The following TMEM117 variants were observed in gnomAD, a reference collection of about 807,000 sequenced individuals.
The protein encoded by TMEM117 is transmembrane protein 117.
Under a neutral mutation model 52.4 loss-of-function variants are expected in TMEM117, and 27 were observed. The ratio of observed to expected loss-of-function variants is 0.51; its 90% CI spans 0.38 to 0.71. TMEM117 has a LOEUF of 0.71. TMEM117 is among the 30% of genes least tolerant of loss of function. TMEM117 has a pLI of 0.00. For missense variants in TMEM117, 556 were observed against 630.5 expected (o/e 0.88, Z 1.26); for synonymous variants, 215 against 206.3 (o/e 1.04, Z -0.36).
intron 6 of TMEM117, among the ~76,000 whole-genome samples, chr12:44,301,351 T>A (rs1950837097): frequency 6.6e-6 from 1 of 152,040 alleles, no homozygotes; most frequent in African/African-American, 2.4e-5. Flanking sequence ...AGGATTTACA[T>A]AGGCAGAGTC....
intron 7 of TMEM117, among the ~76,000 whole-genome samples, chr12:44,385,000 T>A (rs1178194333): frequency 6.6e-6 from 1 of 152,100 alleles, no homozygotes; most frequent in Non-Finnish European, 1.5e-5. Context: ...GTAGACAGAT[T>A]TGGGGTAGAA....
At position 44,145,250 on chromosome 12, in the gene TMEM117, A is replaced by T. The variant is rs556284791; in HGVS notation, c.510+1626A>T. Among the ~76,000 whole-genome samples the T allele has an allele frequency of 5.9e-5, 9 of 152,300 alleles. No homozygotes were observed. The South Asian group carries it at 1.9e-3, about 32-fold the overall frequency. On this transcript the variant is annotated intron_variant, in intron 4 of 7. Transcript: ENST00000266534. ...ACTTTGAAAAACGTAACTTCCTTGA[A>T]ATTTGAGGGGATGTTTAAAAAAATT...
intron 4 of TMEM117, among the ~76,000 whole-genome samples, chr12:44,180,572 C>G (rs1362367134): frequency 2.9e-5 from 4 of 139,588 alleles, no homozygotes; most frequent in African/African-American, 1.1e-4. Context: ...TCTCATTGTT[C>G]AATTCCCACC....
intron 5 of TMEM117, among the ~76,000 whole-genome samples, chr12:44,292,357 G>C (rs1950715675): frequency 6.6e-6 from 1 of 151,574 alleles, no homozygotes; most frequent in Non-Finnish European, 1.5e-5. Context: ...TTCTTGGTTG[G>C]TATGGCTAAA....
intron 3 of TMEM117, among the ~76,000 whole-genome samples, chr12:44,018,792 T>C (rs564966958): frequency 6.6e-6 from 1 of 151,908 alleles, no homozygotes; most frequent in Non-Finnish European, 1.5e-5. Flanking sequence ...CAATCTTGGC[T>C]CACTGCAACC....
intron 3 of TMEM117, among the ~76,000 whole-genome samples, chr12:44,047,731 A>T (rs1304588585): frequency 6.6e-6 from 1 of 152,136 alleles, no homozygotes; most frequent in African/African-American, 2.4e-5. Context: ...AAAAATCCCC[A>T]ATTGGTCAAG....
At chr12:43,796,166 A>C in the TMEM117 span, among the ~76,000 whole-genome samples, 2 of 152,172 alleles carry the variant, frequency 1.3e-5, no homozygotes, top group African/African-American at 2.4e-5. Context: ...ATTGTTTTAC[A>C]TTTTTTAAGG....
chr12:43,968,941 T>C (rs1945529439), intron 3 of TMEM117, among the ~76,000 whole-genome samples: 1 of 152,190 alleles, frequency 6.6e-6, no homozygotes, highest in African/African-American at 2.4e-5. Context: ...CACGCGGATT[T>C]ATGTGCATGT....
intron 4 of TMEM117, among the ~76,000 whole-genome samples, chr12:44,150,852 A>T (rs1758847989): frequency 6.6e-6 from 1 of 152,112 alleles, no homozygotes; most frequent in African/African-American, 2.4e-5. Context: ...ACCTGGAATA[A>T]AAAAGGATTT....
chr12:43,864,884 C>G (rs1468722116), intron 2 of TMEM117, among the ~76,000 whole-genome samples: 1 of 151,992 alleles, frequency 6.6e-6, no homozygotes. Context: ...CCTTTATGAG[C>G]TGTAACACTC....
intron 2 of TMEM117, among the ~76,000 whole-genome samples, chr12:43,900,039 A>G (rs1162649988): frequency 6.6e-6 from 1 of 152,192 alleles, no homozygotes; most frequent in African/African-American, 2.4e-5. Flanking sequence ...GTGGTTTATA[A>G]TCGAAGGTAA....
At chr12:43,813,228 C>CTTTTTTTTTTTT in the TMEM117 span, among the ~76,000 whole-genome samples, 1 of 73,176 alleles carries the variant, frequency 1.4e-5, no homozygotes, top group Admixed American at 1.4e-4. Context: ...CTGGTTTTCT[C>CTTTTTTTTTTTT]TTGTTTTTTT....
chr12:44,380,259 G>A (rs1313249113), intron 7 of TMEM117, among the ~76,000 whole-genome samples: 1 of 152,142 alleles, frequency 6.6e-6, no homozygotes, highest in African/African-American at 2.4e-5. Context: ...TTAGAGCTGG[G>A]GCCAGCAGAG....
At chr12:44,297,140 A>G (rs1950779201) in intron 5 of TMEM117, among the ~76,000 whole-genome samples, 1 of 152,190 alleles carries the variant, frequency 6.6e-6, no homozygotes, top group Non-Finnish European at 1.5e-5. Flanking sequence ...TAAATATTGT[A>G]CTAGATGAGG....
chr12:44,194,789 C>T (rs1239677662), intron 4 of TMEM117, among the ~76,000 whole-genome samples: 2 of 152,110 alleles, frequency 1.3e-5, no homozygotes, highest in East Asian at 3.9e-4. Context: ...CCGGATTGAG[C>T]CACTGCATCC....
At chr12:43,946,702 G>C (rs1356648904) in intron 3 of TMEM117, among the ~76,000 whole-genome samples, 1 of 152,144 alleles carries the variant, frequency 6.6e-6, no homozygotes, top group African/African-American at 2.4e-5. Context: ...ACACAGGTCC[G>C]ATTGATGGTT....
intron 6 of TMEM117, among the ~76,000 whole-genome samples, chr12:44,374,616 T>TTGTG (rs5742462): frequency 0.084 from 12,134 of 144,808 alleles, 564 homozygotes; most frequent in Admixed American, 0.14. Context: ...AAGGAACTAT[T>TTGTG]TGTGTGTGTG....
intron 3 of TMEM117, among the ~76,000 whole-genome samples, chr12:44,066,866 A>G (rs940760046): frequency 1.3e-5 from 2 of 152,202 alleles, no homozygotes; most frequent in Admixed American, 1.3e-4. Context: ...TTTTCATGAA[A>G]GACTTCTCTG....
intron 5 of TMEM117, among the ~76,000 whole-genome samples, chr12:44,275,769 A>G (rs1290908246): frequency 1.3e-5 from 2 of 151,782 alleles, no homozygotes; most frequent in African/African-American, 4.8e-5. Context: ...TCATGGACAT[A>G]GAGAGTAGAA....
Sources: gnomAD v4.1 joint callset for allele counts (sites outside exome capture counted in the v4.1 genomes callset) on GRCh38, gnomAD v4.1.1 for gene constraint, MANE v1.5 for transcripts, NCBI Gene and HGNC (gene_info 2026-07-23, HGNC 2026-07-21) for gene names.